Variants in GALNTL6 observed in about 807,000 individuals in gnomAD.
GALNTL6 encodes the protein polypeptide N-acetylgalactosaminyltransferase-like 6.
A neutral mutation model predicts 73.7 loss-of-function variants in GALNTL6; 46 were observed. The ratio of observed to expected loss-of-function variants is 0.62; its 90% CI spans 0.49 to 0.80. The LOEUF (loss-of-function observed/expected upper bound fraction) is 0.80. Ranked by LOEUF, GALNTL6 falls within the 30% of genes least tolerant of loss-of-function variation. The pLI is 0.00. For missense variants in GALNTL6, 604 were observed against 755.0 expected (o/e 0.80, Z 2.34); for synonymous variants, 259 against 263.7 (o/e 0.98, Z 0.17).
At chr4:172,194,143 A>G (rs560329504) in intron 2 of GALNTL6, among the ~76,000 whole-genome samples, 1 of 152,308 alleles carries the variant, frequency 6.6e-6, no homozygotes, top group East Asian at 1.9e-4. Flanking sequence ...GAGGAACATA[A>G]ATGACCTGAT....
chr4:172,175,625 G>A (rs1734964639), intron 2 of GALNTL6, among the ~76,000 whole-genome samples: 1 of 152,180 alleles, frequency 6.6e-6, no homozygotes, highest in Non-Finnish European at 1.5e-5. Context: ...TATTAACAAT[G>A]CTAAGAATTT....
intron 5 of GALNTL6, among the ~76,000 whole-genome samples, chr4:172,457,482 G>A (rs1244488304): frequency 6.6e-6 from 1 of 152,122 alleles, no homozygotes; most frequent in African/African-American, 2.4e-5. Context: ...CACGTGCAAA[G>A]ACATACGTAG....
chr4:172,305,748 C>G (rs1740108661), intron 3 of GALNTL6, among the ~76,000 whole-genome samples: 1 of 152,100 alleles, frequency 6.6e-6, no homozygotes, highest in Admixed American at 6.6e-5. Context: ...TGTATAAAAA[C>G]ATACCATTTT....
intron 11 of GALNTL6, among the ~76,000 whole-genome samples, chr4:173,010,377 T>C (rs927047081): frequency 7.9e-5 from 12 of 152,190 alleles, no homozygotes; most frequent in African/African-American, 2.9e-4. Flanking sequence ...TACTCCATTA[T>C]GCATAGGTAC....
intron 5 of GALNTL6, among the ~76,000 whole-genome samples, chr4:172,726,542 A>G (rs1309286396): frequency 6.6e-6 from 1 of 152,190 alleles, no homozygotes; most frequent in Admixed American, 6.5e-5. Context: ...TACTATAACT[A>G]TCTTAATATT....
intron 3 of GALNTL6, among the ~76,000 whole-genome samples, chr4:172,252,407 A>G (rs1300452223): frequency 6.6e-6 from 1 of 152,170 alleles, no homozygotes; most frequent in African/African-American, 2.4e-5. Context: ...GAGACAGAAT[A>G]TATTACCCAC....
At chr4:172,373,017 G>A (rs1263887608) in intron 5 of GALNTL6, among the ~76,000 whole-genome samples, 1 of 152,226 alleles carries the variant, frequency 6.6e-6, no homozygotes, top group Non-Finnish European at 1.5e-5. Flanking sequence ...CGGCTAGAAA[G>A]TTCAAGAGTT....
chr4:171,984,647 G>C (rs1740011325), intron 2 of GALNTL6, among the ~76,000 whole-genome samples: 1 of 152,150 alleles, frequency 6.6e-6, no homozygotes, highest in African/African-American at 2.4e-5. Context: ...TGAAGAGACA[G>C]TAAAAGGCTA....
chr4:172,102,580 CCAGAGATGT>C (rs60211932), intron 2 of GALNTL6, among the ~76,000 whole-genome samples: 61,124 of 151,476 alleles, frequency 0.4, 12,806 homozygotes, highest in African/African-American at 0.5. Flanking sequence ...GTATTCAACA[CCAGAGATGT>C]CAGAGATGTC....
chr4:172,049,043 G>A (rs1730741012), intron 2 of GALNTL6, among the ~76,000 whole-genome samples: 2 of 152,168 alleles, frequency 1.3e-5, no homozygotes, highest in African/African-American at 4.8e-5. Flanking sequence ...AGAGATGGGA[G>A]TGTTCCTTGT....
intron 3 of GALNTL6, among the ~76,000 whole-genome samples, chr4:172,239,696 T>G (rs539943702): frequency 6.6e-6 from 1 of 152,328 alleles, no homozygotes; most frequent in East Asian, 1.9e-4. Context: ...ATTTGAGATC[T>G]TTCTAACTTT....
At chr4:171,850,191 C>T (rs972132911) in intron 2 of GALNTL6, among the ~76,000 whole-genome samples, 6 of 152,136 alleles carry the variant, frequency 3.9e-5, no homozygotes, top group African/African-American at 1.2e-4. Context: ...AGGCTGTTCT[C>T]GAATTCCTGA....
At chr4:172,239,886 G>A (rs1368402979) in intron 3 of GALNTL6, among the ~76,000 whole-genome samples, 1 of 152,140 alleles carries the variant, frequency 6.6e-6, no homozygotes, top group Admixed American at 6.6e-5. Flanking sequence ...GAAAACAGGC[G>A]ACCAATCTCT....
intron 3 of GALNTL6, among the ~76,000 whole-genome samples, chr4:172,307,108 A>G (rs1382426676): frequency 3.3e-5 from 5 of 152,294 alleles, no homozygotes; most frequent in South Asian, 2.1e-4. Flanking sequence ...CTTTAATCAC[A>G]TGCACACCAA....
At chr4:172,914,657 A>G (rs994313811) in intron 8 of GALNTL6, among the ~76,000 whole-genome samples, 3 of 152,254 alleles carry the variant, frequency 2.0e-5, no homozygotes, top group Admixed American at 2.0e-4. Context: ...AAAGAAGGCC[A>G]TTACATAATG....
intron 2 of GALNTL6, among the ~76,000 whole-genome samples, chr4:172,029,273 T>C (rs1282497888): frequency 6.6e-6 from 1 of 152,078 alleles, no homozygotes; most frequent in East Asian, 1.9e-4. Flanking sequence ...TTTCAAAGAC[T>C]TAGTATGAAA....
At chr4:172,124,727 T>TAA (rs1290007964) in intron 2 of GALNTL6, among the ~76,000 whole-genome samples, 1 of 152,122 alleles carries the variant, frequency 6.6e-6, no homozygotes, top group South Asian at 2.1e-4. Context: ...CTCTTTTAGG[T>TAA]AAACTGGAAA....
intron 8 of GALNTL6, among the ~76,000 whole-genome samples, chr4:172,907,348 C>T (rs1746954653): frequency 6.6e-6 from 1 of 151,980 alleles, no homozygotes; most frequent in Admixed American, 6.6e-5. Flanking sequence ...AATACTCATA[C>T]TGAAAAATGG....
At chr4:172,087,444 C>CAAAA (rs70941381) in intron 2 of GALNTL6, among the ~76,000 whole-genome samples, 1 of 100,546 alleles carries the variant, frequency 9.9e-6, no homozygotes, top group African/African-American at 4.2e-5. Flanking sequence ...GACTCCATCC[C>CAAAA]AAAAAAAAAA....
Sources: allele counts gnomAD v4.1 joint callset (sites outside exome capture counted in the v4.1 genomes callset), GRCh38; gene constraint gnomAD v4.1.1; transcripts MANE v1.5; gene names NCBI Gene and HGNC (gene_info 2026-07-23, HGNC 2026-07-21).